CASZ1: variants seen among roughly 807,000 people sequenced by gnomAD.
CASZ1 encodes the protein castor zinc finger 1.
CASZ1 carries 28 observed loss-of-function variants against 135.2 expected under a neutral mutation model. That is an observed-to-expected ratio of 0.21 (90% CI 0.15 to 0.28). CASZ1 has a LOEUF of 0.28. Ranked by LOEUF, CASZ1 falls within the 10% of genes least tolerant of loss-of-function variation. The pLI is 1.00. For synonymous variants in CASZ1, 1,068 were observed against 1,073.4 expected, an observed-to-expected ratio of 0.99 and a Z score of 0.10; for missense variants, 2,161 against 2,453.3, an observed-to-expected ratio of 0.88 and a Z score of 2.52.
At chr1:10,680,145 C>T (rs1638363605) in intron 4 of CASZ1, among the ~76,000 whole-genome samples, 1 of 152,096 alleles carries the variant, frequency 6.6e-6, no homozygotes, top group Non-Finnish European at 1.5e-5. Context: ...GTGGGGTGTC[C>T]TGGGCCTGAC....
intron 1 of CASZ1, among the ~76,000 whole-genome samples, chr1:10,791,759 GAA>G (rs1266842601): frequency 2.0e-5 from 3 of 148,648 alleles, no homozygotes; most frequent in Non-Finnish European, 4.5e-5. Context: ...GAGAGAGAGA[GAA>G]GAGAGAGATG....
In CASZ1 at chr1:10,673,618, C is replaced by T. The variant is rs181999934; in HGVS notation, c.17-8047G>A. 1.6e-4 allele frequency among the ~76,000 whole-genome samples: 24 copies of T among 152,346 alleles called. No homozygotes were observed. In the East Asian group the frequency reaches 3.9e-3, roughly 24 times the overall value. On this transcript the variant is annotated intron_variant, in intron 4 of 20. Transcript: ENST00000377022. ...CATAAACTTTCATTACCCATGCACG[C>T]AGTCAAAGACAATTTAGGGAAACGC...
Position 10,665,185 on chromosome 1 carries a change from G to A in CASZ1, c.403C>T (p.His135Tyr). The change falls in exon 5 of 21, where the codon CAC becomes TAC. Residue 135 changes from histidine (H) to tyrosine (Y), a missense_variant. By Grantham distance (83) the His-to-Tyr change is moderately conservative (BLOSUM62 2). Coordinates refer to ENST00000377022, the MANE Select transcript of CASZ1 (RefSeq NM_001079843.3). ...QPQGCSDEED[H>Y]AEEPSKDGGA... ...CCGTCCTTGGAGGGCTCCTCCGCGTGGTCTTCCTCATCGCTGCACCCCTGG... is the reference window on the plus strand; with the variant it reads ...CCGTCCTTGGAGGGCTCCTCCGCGTAGTCTTCCTCATCGCTGCACCCCTGG... 1.3e-6 allele frequency: 2 copies of A among 1,571,932 alleles called. No homozygotes were observed. Among genetic ancestry groups the A allele is most frequent in the Non-Finnish European group, 1.7e-6 (2 of 1,155,568 alleles).
chr1:10,697,902 C>T lies in CASZ1; in HGVS notation c.-23-3990G>A, dbSNP rs1385827828. ...CGTGTGTTTGCGTGTGAGCCCGCTC[C>T]GGGGCCGATGGAGGGAGGGTGTCGG... is the stretch of plus-strand genomic sequence containing the variant. On this transcript the variant is annotated intron_variant, in intron 3 of 20. Transcript: ENST00000377022. The surrounding 1 kb of genome is among the most constrained non-coding windows in gnomAD (Gnocchi z 4.7). Among the ~76,000 whole-genome samples the T allele has an allele frequency of 4.6e-5, 7 of 152,232 alleles. No individual in the cohort carries two copies. The highest frequency in any genetic ancestry group is 2.1e-4 in the South Asian group (1 of 4,832).
chr1:10,673,459 G>A (rs906195751), intron 4 of CASZ1, among the ~76,000 whole-genome samples: 9 of 152,026 alleles, frequency 5.9e-5, no homozygotes, highest in Admixed American at 3.9e-4. Context: ...ACACACGCGC[G>A]TGCACGCACA....
chr1:10,662,162 C>T (rs1400414635), intron 5 of CASZ1, among the ~76,000 whole-genome samples: 1 of 151,144 alleles, frequency 6.6e-6, no homozygotes, highest in Non-Finnish European at 1.5e-5. Context: ...TACACACAGT[C>T]ACAACACACA....
rs530076127 is a variant in CASZ1, at chr1:10,644,134, C to G, written c.3868+783G>C. Among the ~76,000 whole-genome samples, 35 of 152,366 alleles carry G rather than the reference C, an allele frequency of 2.3e-4. No homozygotes were observed. The East Asian group carries it at 6.2e-3, about 27-fold the overall frequency. On this transcript the variant is annotated intron_variant, in intron 18 of 20. Coordinates refer to ENST00000377022, the MANE Select transcript of CASZ1 (RefSeq NM_001079843.3). ...CCCCCACCCCTGCTGCCCTGACCAC[C>G]AGGCCACAACGGGCCTTGCCTGCAG...
intron 2 of CASZ1, among the ~76,000 whole-genome samples, chr1:10,736,021 C>A (rs2100518668): frequency 6.6e-6 from 1 of 152,304 alleles, no homozygotes; most frequent in South Asian, 2.1e-4. Context: ...GAGGAAACCC[C>A]AAAGATCACT....
intron 6 of CASZ1, among the ~76,000 whole-genome samples, chr1:10,658,798 C>T (rs919898208): frequency 2.6e-5 from 4 of 152,230 alleles, no homozygotes; most frequent in African/African-American, 9.6e-5. Flanking sequence ...GCAGGTGGGG[C>T]TGCAGCCCCC....
rs376931252 is a variant in CASZ1, at chr1:10,721,056, G to T, written c.-76-15512C>A. Among the ~76,000 whole-genome samples, 76 of 152,306 alleles carry T rather than the reference G, an allele frequency of 5.0e-4. No individual in the cohort carries two copies. The highest frequency in any genetic ancestry group is 1.8e-3 in the African/African-American group (74 of 41,578). On this transcript the variant is annotated intron_variant, in intron 2 of 20. Transcript: ENST00000377022. The surrounding 1 kb of genome is among the most constrained non-coding windows in gnomAD (Gnocchi z 5.4). Reference sequence around the variant, plus strand: ...CTCCTCGCCCGTAACTCTGGTGGGGGTCCCTTTTGTACAGGAGCCAAGCTG... The same window carrying T: ...CTCCTCGCCCGTAACTCTGGTGGGGTTCCCTTTTGTACAGGAGCCAAGCTG...
intron 3 of CASZ1, among the ~76,000 whole-genome samples, chr1:10,703,928 A>C (rs1240391430): frequency 6.6e-6 from 1 of 152,256 alleles, no homozygotes; most frequent in African/African-American, 2.4e-5. Context: ...GGCTCTGCCA[A>C]GCCCTGCTCC....
At chr1:10,786,258 G>C (rs1302918937) in intron 1 of CASZ1, among the ~76,000 whole-genome samples, 1 of 152,104 alleles carries the variant, frequency 6.6e-6, no homozygotes, top group Non-Finnish European at 1.5e-5. Context: ...ACTTGGTCTG[G>C]CCAGTGTGGG....
chr1:10,759,987 C>T lies in CASZ1; in HGVS notation c.-77+714G>A, dbSNP rs926503039. 2.0e-5 allele frequency among the ~76,000 whole-genome samples: 3 copies of T among 152,300 alleles called. No homozygotes were observed. Among genetic ancestry groups the T allele is most frequent in the Non-Finnish European group, 2.9e-5 (2 of 68,022 alleles). ...TGAGTCACCCAATGTGTGTCAACCC[C>T]TCACCCCAAGAACTGCCACGTTTGA... On this transcript the variant is annotated intron_variant, in intron 2 of 20. Coordinates refer to ENST00000377022, the MANE Select transcript of CASZ1 (RefSeq NM_001079843.3). This position sits in a 1 kb window ranked among gnomAD's most constrained non-coding sequence, Gnocchi z 4.2.
chr1:10,674,685 G>A (rs12048729), intron 4 of CASZ1, among the ~76,000 whole-genome samples: 2 of 152,204 alleles, frequency 1.3e-5, no homozygotes, highest in Admixed American at 6.5e-5. Context: ...TCCCCTCCTC[G>A]GAGCCGGGAG....
intron 1 of CASZ1, among the ~76,000 whole-genome samples, chr1:10,792,955 A>C (rs1278813821): frequency 6.6e-6 from 1 of 152,152 alleles, no homozygotes; most frequent in East Asian, 1.9e-4. Flanking sequence ...GATGGTCAGG[A>C]TCTAAAAGAG....
At chr1:10,643,905 T>C (rs1291983931) in intron 18 of CASZ1, among the ~76,000 whole-genome samples, 3 of 152,248 alleles carry the variant, frequency 2.0e-5, no homozygotes, top group Admixed American at 2.0e-4. Flanking sequence ...TAATAGCAAC[T>C]GCAGAATACC....
Position 10,720,587 on chromosome 1 carries a change from C to T in CASZ1, c.-76-15043G>A, listed in dbSNP as rs538746714. Among the ~76,000 whole-genome samples the T allele has an allele frequency of 2.0e-5, 3 of 152,220 alleles. No individual in the cohort carries two copies. The highest frequency in any genetic ancestry group is 7.2e-5 in the African/African-American group (3 of 41,464). On this transcript the variant is annotated intron_variant, in intron 2 of 20. Transcript: ENST00000377022. This position sits in a 1 kb window ranked among gnomAD's most constrained non-coding sequence, Gnocchi z 5.7. ...ATTTGCCTATCAAAAACTGTACATT[C>T]GCTCGGCTTTCCACGGGACTCATGT...
rs1400969568 is a variant in CASZ1 at position 10,666,807 on chromosome 1, G to A, written c.17-1236C>T. ...TGGACACACACACACGCACACACAC[G>A]CGTGCACACACAGCGCAGCCACATG... On this transcript the variant is annotated intron_variant, in intron 4 of 20. Coordinates refer to ENST00000377022, the MANE Select transcript of CASZ1 (RefSeq NM_001079843.3). The surrounding 1 kb of genome is among the most constrained non-coding windows in gnomAD (Gnocchi z 5.2). Among the ~76,000 whole-genome samples, 1 of 152,302 alleles carries A rather than the reference G, an allele frequency of 6.6e-6. No individual in the cohort carries two copies. The highest frequency in any genetic ancestry group is 1.9e-4 in the East Asian group (1 of 5,174).
At chr1:10,640,294 T>C (rs574058385) in intron 20 of CASZ1, among the ~76,000 whole-genome samples, 9 of 152,048 alleles carry the variant, frequency 5.9e-5, no homozygotes, top group Non-Finnish European at 1.2e-4. Flanking sequence ...CACACAGGCC[T>C]CTCCCCCGGG....
Sources: allele counts gnomAD v4.1 joint callset (sites outside exome capture counted in the v4.1 genomes callset), GRCh38; gene constraint gnomAD v4.1.1; non-coding constraint Gnocchi (gnomAD v3.1); transcripts MANE v1.5; gene names NCBI Gene and HGNC (gene_info 2026-07-23, HGNC 2026-07-21).